VPS36: variants seen among roughly 807,000 people sequenced by gnomAD.
VPS36 encodes vacuolar protein sorting 36 homolog.
In VPS36, 31 loss-of-function variants were observed where a neutral mutation model predicts 63.5. The observed-to-expected ratio is 0.49, with a 90% CI of 0.37 to 0.66. The LOEUF (loss-of-function observed/expected upper bound fraction) is 0.66, where lower values mean the gene tolerates loss of function less well. VPS36 is among the 30% of genes least tolerant of loss of function. VPS36 has a pLI of 0.00. For missense variants in VPS36, 338 were observed against 463.7 expected (o/e 0.73, Z 2.49); for synonymous variants, 138 against 157.2 (o/e 0.88, Z 0.91).
intron 2 of VPS36, among the ~76,000 whole-genome samples, chr13:52,439,978 TTTAA>T (rs1958259613): frequency 6.6e-6 from 1 of 151,918 alleles, no homozygotes; most frequent in Non-Finnish European, 1.5e-5. Context: ...TATTCATATG[TTTAA>T]TTTTTTTTTT....
At position 52,445,304 on chromosome 13, in the gene VPS36, A is replaced by G. The variant is rs146486202; in HGVS notation, c.97-2859T>C. ...TTAAATCTCTTCTTTGCCAATGAGT[A>G]AATTTCCCTTCTCCAAAAGCAAATA... On this transcript the variant is annotated intron_variant, in intron 1 of 13. Transcript: ENST00000378060. Among the ~76,000 whole-genome samples the G allele has an allele frequency of 7.2e-3, 1,094 of 152,352 alleles. 17 individuals are homozygous for G. Among genetic ancestry groups the G allele is most frequent in the African/African-American group, 0.025 (1,058 of 41,560 alleles).
intron 12 of VPS36, 83 bp from the exon 13 acceptor site, chr13:52,416,176 G>T: frequency 3.1e-6 from 4 of 1,281,802 alleles, no homozygotes; most frequent in Non-Finnish European, 4.5e-6. Context: ...ATGGTAGGCA[G>T]AATGTATACC....
intron 10 of VPS36, among the ~76,000 whole-genome samples, chr13:52,423,077 C>T (rs960403687): frequency 9.8e-5 from 15 of 152,290 alleles, no homozygotes; most frequent in Admixed American, 5.2e-4. Context: ...CCTTGCCTTC[C>T]GCCATGATTG....
intron 10 of VPS36, 43 bp from the exon 11 acceptor site, chr13:52,418,099 G>T: frequency 6.6e-7 from 1 of 1,506,616 alleles, no homozygotes. Context: ...CAATGGTAAT[G>T]ATCACTAAAA....
intron 1 of VPS36, among the ~76,000 whole-genome samples, chr13:52,448,255 C>A (rs1408944642): frequency 6.6e-6 from 1 of 152,174 alleles, no homozygotes; most frequent in Non-Finnish European, 1.5e-5. Context: ...AGTGAGGCAT[C>A]CTAAAAGGGA....
At chr13:52,417,031 G>A in intron 12 of VPS36, 26 bp downstream of exon 12, 1 of 1,606,866 alleles carries the variant, frequency 6.2e-7, no homozygotes, top group African/African-American at 1.3e-5. Flanking sequence ...AAGCTCTAAA[G>A]ACTGGAGAAA....
intron 9 of VPS36, 97 bp downstream of exon 9, chr13:52,425,835 C>T (rs1958096246): frequency 1.6e-6 from 2 of 1,281,146 alleles, no homozygotes; most frequent in African/African-American, 3.0e-5. Context: ...TTGACAATAA[C>T]CATATCATGA....
At chr13:52,420,283 A>G (rs1449010143) in intron 10 of VPS36, among the ~76,000 whole-genome samples, 1 of 151,796 alleles carries the variant, frequency 6.6e-6, no homozygotes, top group Non-Finnish European at 1.5e-5. Flanking sequence ...ATTCAGTAGT[A>G]CAATAGGGAA....
Position 52,416,908 on chromosome 13 carries a change from T to C in VPS36, c.990+149A>G, listed in dbSNP as rs1445881598. 4 of 642,020 alleles carry C rather than the reference T, an allele frequency of 6.2e-6. No individual in the cohort carries two copies. In the South Asian group the frequency reaches 8.9e-5, roughly 14 times the overall value. 39.8% of individuals were successfully genotyped at this position (642,020 alleles called of 1,614,324 possible). A position where few individuals can be genotyped will look rare whatever the true frequency, so the allele number is the denominator to read the frequency against. On this transcript the variant is annotated intron_variant, in intron 12 of 13. Transcript: ENST00000378060. ...TATGACTTTGGTTAATATTGATTCA[T>C]TGTTAGTGATAAACCATTTTTATTT...
In VPS36 at chr13:52,416,037, A is replaced by C; in HGVS notation, c.1047T>G (p.Ser349=). The C allele has an allele frequency of 1.2e-6, 2 of 1,614,088 alleles. No homozygotes were observed. The highest frequency in any genetic ancestry group is 1.7e-6 in the Non-Finnish European group (2 of 1,179,996). Residue 349 remains serine, a synonymous_variant, in exon 13 of 14, where the codon TCT becomes TCG. Coordinates refer to ENST00000378060, the MANE Select transcript of VPS36 (RefSeq NM_016075.4). The part of the protein sequence containing the change: ...SEEFAKLVGM[S]VLLAKERLLL... The stretch of plus-strand genomic sequence containing the variant: ...CTTACCTTTCTTTGGCTAGGAGGAC[A>C]GACATTCCCACAAGCTTAGCAAACT...
chr13:52,435,472 T>C (rs1185760646), intron 4 of VPS36, among the ~76,000 whole-genome samples: 3 of 151,850 alleles, frequency 2.0e-5, no homozygotes, highest in African/African-American at 4.8e-5. Context: ...ATGAAATCAA[T>C]AGACTTACTT....
chr13:52,440,772 C>T (rs1282693790), intron 2 of VPS36, among the ~76,000 whole-genome samples: 1 of 152,112 alleles, frequency 6.6e-6, no homozygotes, highest in African/African-American at 2.4e-5. Context: ...GATTTATTTT[C>T]TGAATATATA....
At chr13:52,445,908 C>A (rs1286219239) in intron 1 of VPS36, among the ~76,000 whole-genome samples, 15 of 125,742 alleles carry the variant, frequency 1.2e-4, no homozygotes, top group Admixed American at 2.7e-4. Flanking sequence ...CCACTGCACT[C>A]CAGCCTGGGC....
intron 1 of VPS36, chr13:52,449,913 C>A (rs1371835679): frequency 1.0e-6 from 1 of 985,386 alleles, no homozygotes; most frequent in African/African-American, 1.7e-5. Flanking sequence ...CAAGGGCATT[C>A]CAATGAAGCA....
intron 10 of VPS36, among the ~76,000 whole-genome samples, chr13:52,422,975 T>C (rs1958061186): frequency 6.6e-6 from 1 of 152,132 alleles, no homozygotes; most frequent in African/African-American, 2.4e-5. Context: ...ATAGCGAATG[T>C]TTCTGATGAG....
At chr13:52,437,803 G>A (rs1394018960) in intron 3 of VPS36, among the ~76,000 whole-genome samples, 3 of 151,968 alleles carry the variant, frequency 2.0e-5, no homozygotes, top group Non-Finnish European at 4.4e-5. Context: ...GGTCGTGGGC[G>A]CCTGTAGTCC....
intron 9 of VPS36, among the ~76,000 whole-genome samples, chr13:52,424,065 G>T (rs530477041): frequency 5.3e-5 from 8 of 152,166 alleles, no homozygotes; most frequent in African/African-American, 1.9e-4. Flanking sequence ...TCACCATGTT[G>T]GTTGGGCTGG....
At chr13:52,417,953 T>C (rs1352326695) in intron 11 of VPS36, 39 bp downstream of exon 11, 1 of 1,588,788 alleles carries the variant, frequency 6.3e-7, no homozygotes, top group East Asian at 2.2e-5. Flanking sequence ...TGCAGAATCA[T>C]GGTTGCAGGT....
Position 52,417,171 on chromosome 13 carries a change from A to G in VPS36, c.906-30T>C, listed in dbSNP as rs1402281698. Reference sequence around the variant, plus strand: ...AAACCACAGGTGCGAGAACAAAGCCAGGAATTATCTAGGATATTCAACTGC... The same window carrying G: ...AAACCACAGGTGCGAGAACAAAGCCGGGAATTATCTAGGATATTCAACTGC... On this transcript the variant is annotated intron_variant, in intron 11 of 13. Transcript: ENST00000378060. The G allele has an allele frequency of 3.8e-6, 6 of 1,597,976 alleles. No homozygotes were observed. The Admixed American group carries it at 6.7e-5, about 18-fold the overall frequency.
Sources: gnomAD v4.1 joint callset for allele counts (sites outside exome capture counted in the v4.1 genomes callset) on GRCh38, gnomAD v4.1.1 for gene constraint, MANE v1.5 for transcripts, NCBI Gene and HGNC (gene_info 2026-07-23, HGNC 2026-07-21) for gene names.